Variants in CASQ2 observed in about 807,000 individuals in gnomAD.
CASQ2 encodes calsequestrin-2.
In CASQ2, 49 loss-of-function variants were observed where a neutral mutation model predicts 46.5. That is an observed-to-expected ratio of 1.05 (90% CI 0.84 to 1.34). CASQ2 has a LOEUF of 1.34. Among genes scored for constraint, CASQ2 ranks in the 40% most tolerant of loss-of-function variants. The probability of loss-of-function intolerance (pLI) is 0.00; values close to 1 mark genes in which losing one functional copy is unlikely to be tolerated. For synonymous variants in CASQ2, 174 were observed against 168.5 expected (o/e 1.03, Z -0.25); for missense variants, 486 against 481.3 (o/e 1.01, Z -0.09).
intron 1 of CASQ2, among the ~76,000 whole-genome samples, chr1:115,762,817 A>C (rs1345163647): frequency 6.6e-6 from 1 of 152,156 alleles, no homozygotes; most frequent in Non-Finnish European, 1.5e-5. Flanking sequence ...TAGGGACAGG[A>C]TCTGTGTCAA....
At chr1:115,723,293 ATATC>A (rs1553193962) in intron 7 of CASQ2, among the ~76,000 whole-genome samples, 69 of 74,456 alleles carry the variant, frequency 9.3e-4, no homozygotes, top group African/African-American at 2.7e-3. Flanking sequence ...ATATCTCTCT[ATATC>A]TATCTATTTA....
chr1:115,700,750 A>C lies in CASQ2; in HGVS notation c.*491T>G. Reference sequence around the variant, plus strand: ...GGCTGAGCCTTCTCTAAGAAGGATCATCTTGGCTGGAGGAGGGATCCCAAC... The same window carrying C: ...GGCTGAGCCTTCTCTAAGAAGGATCCTCTTGGCTGGAGGAGGGATCCCAAC... On this transcript the variant is annotated 3_prime_UTR_variant, in exon 11 of 11. Transcript: ENST00000261448. 2.4e-6 allele frequency: 1 copy of C among 414,808 alleles called. No homozygotes were observed. The highest frequency in any genetic ancestry group is 6.2e-4 in the Middle Eastern group (1 of 1,618). 25.7% of individuals were successfully genotyped at this position (414,808 alleles called of 1,614,324 possible). A position where few individuals can be genotyped will look rare whatever the true frequency, so the allele number is the denominator to read the frequency against.
At chr1:115,703,634 C>G (rs1654276398) in intron 9 of CASQ2, among the ~76,000 whole-genome samples, 2 of 152,110 alleles carry the variant, frequency 1.3e-5, no homozygotes, top group East Asian at 1.9e-4. Context: ...ACACATAGAA[C>G]TGGCCAGAAG....
intron 2 of CASQ2, among the ~76,000 whole-genome samples, chr1:115,741,425 C>A (rs1648174590): frequency 6.6e-6 from 1 of 152,202 alleles, no homozygotes; most frequent in Non-Finnish European, 1.5e-5. Flanking sequence ...GCTTAGGATT[C>A]ATTTTTCTTA....
At chr1:115,702,173 C>T (rs1654224628) in intron 10 of CASQ2, among the ~76,000 whole-genome samples, 1 of 151,936 alleles carries the variant, frequency 6.6e-6, no homozygotes, top group Admixed American at 6.6e-5. Flanking sequence ...CCACCCATCT[C>T]AGCCTCCCAA....
intron 7 of CASQ2, among the ~76,000 whole-genome samples, chr1:115,725,225 C>T (rs773731059): frequency 6.6e-6 from 1 of 152,006 alleles, no homozygotes; most frequent in Non-Finnish European, 1.5e-5. Flanking sequence ...TGCGACCATG[C>T]TCGGTTACTT....
At chr1:115,726,694 C>A (rs992308688) in intron 6 of CASQ2, among the ~76,000 whole-genome samples, 4 of 152,192 alleles carry the variant, frequency 2.6e-5, no homozygotes, top group Admixed American at 6.5e-5. Context: ...TATATGGGAA[C>A]TTTCACTAAA....
chr1:115,730,272 C>A (rs1397987694), intron 5 of CASQ2, among the ~76,000 whole-genome samples: 1 of 152,186 alleles, frequency 6.6e-6, no homozygotes, highest in Non-Finnish European at 1.5e-5. Flanking sequence ...GAACTACTGA[C>A]TGACAAATTT....
At position 115,700,927 on chromosome 1, in the gene CASQ2, C is replaced by T; in HGVS notation, c.*314G>A. On this transcript the variant is annotated 3_prime_UTR_variant, in exon 11 of 11. Transcript: ENST00000261448. ...AGTAAACTTGTGTTAGGGGATTGTT[C>T]ACCCTAGACTGCCATGTTCAGGCAC... is the stretch of plus-strand genomic sequence containing the variant. 2 of 598,246 alleles carry T rather than the reference C, an allele frequency of 3.3e-6. No individual in the cohort carries two copies. The allele number at this position is 598,246 out of a possible 1,614,324, so 37.1% of individuals were successfully genotyped here.
intron 1 of CASQ2, among the ~76,000 whole-genome samples, chr1:115,756,675 G>T (rs1288438330): frequency 1.3e-5 from 2 of 152,204 alleles, no homozygotes; most frequent in African/African-American, 2.4e-5. Context: ...GGCTGGGCAT[G>T]GTGGCGTGTG....
chr1:115,765,153 G>A (rs1221411202), intron 1 of CASQ2, among the ~76,000 whole-genome samples: 1 of 152,092 alleles, frequency 6.6e-6, no homozygotes, highest in Non-Finnish European at 1.5e-5. Context: ...CAACCTCCCT[G>A]CACTGTAGCT....
chr1:115,727,387 T>A (rs1176718610), intron 5 of CASQ2, among the ~76,000 whole-genome samples: 3 of 152,186 alleles, frequency 2.0e-5, no homozygotes, highest in Admixed American at 2.0e-4. Flanking sequence ...GCAGTTGAGA[T>A]GCGAAGTGGG....
At chr1:115,767,234 C>G (rs930393359) in intron 1 of CASQ2, among the ~76,000 whole-genome samples, 15 of 152,108 alleles carry the variant, frequency 9.9e-5, no homozygotes, top group African/African-American at 3.4e-4. Flanking sequence ...TAATAACTAT[C>G]CCTGCTTTCT....
At chr1:115,723,297 C>CTCTCTA (rs1647453751) in intron 7 of CASQ2, among the ~76,000 whole-genome samples, 3 of 138,824 alleles carry the variant, frequency 2.2e-5, no homozygotes, top group East Asian at 2.2e-4. Context: ...CTCTCTATAT[C>CTCTCTA]TATCTATTTA....
At chr1:115,761,947 C>T (rs1648977583) in intron 1 of CASQ2, among the ~76,000 whole-genome samples, 1 of 152,194 alleles carries the variant, frequency 6.6e-6, no homozygotes, top group Non-Finnish European at 1.5e-5. Context: ...CCGAAGAAAG[C>T]TTACGAGAGA....
In CASQ2 at chr1:115,756,035, G is replaced by C. The variant is rs149096486; in HGVS notation, c.235-11123C>G. Among the ~76,000 whole-genome samples the C allele has an allele frequency of 3.9e-5, 6 of 152,304 alleles. No homozygotes were observed. The East Asian group carries it at 1.2e-3, about 29-fold the overall frequency. ...CTTCATAAATCAGAGGTGTGTGGTCGGGCTAACAGTTAGATATCCGAGGCC... is the reference window on the plus strand; with the variant it reads ...CTTCATAAATCAGAGGTGTGTGGTCCGGCTAACAGTTAGATATCCGAGGCC... On this transcript the variant is annotated intron_variant, in intron 1 of 10. Coordinates refer to ENST00000261448, the MANE Select transcript of CASQ2 (RefSeq NM_001232.4).
chr1:115,720,954 G>A (rs1432889813), intron 7 of CASQ2, among the ~76,000 whole-genome samples: 2 of 152,120 alleles, frequency 1.3e-5, no homozygotes, highest in Non-Finnish European at 2.9e-5. Context: ...AAGAAACTAT[G>A]CTTATCAATT....
At chr1:115,749,848 A>C (rs10754356) in intron 1 of CASQ2, among the ~76,000 whole-genome samples, 3 of 151,996 alleles carry the variant, frequency 2.0e-5, no homozygotes, top group Admixed American at 2.0e-4. Context: ...CTGCATTCTC[A>C]GGTCGCTACC....
intron 5 of CASQ2, chr1:115,732,246 T>C (rs1054512059): frequency 6.6e-6 from 1 of 152,574 alleles, no homozygotes; most frequent in African/African-American, 2.4e-5. Context: ...GATAGCTTTT[T>C]TGATTATTCT....
Sources: allele counts gnomAD v4.1 joint callset (sites outside exome capture counted in the v4.1 genomes callset), GRCh38; gene constraint gnomAD v4.1.1; transcripts MANE v1.5; gene names NCBI Gene and HGNC (gene_info 2026-07-23, HGNC 2026-07-21).